Variants in JADE1 observed in about 807,000 individuals in gnomAD.
The protein encoded by JADE1 is protein Jade-1.
Under a neutral mutation model 81.8 loss-of-function variants are expected in JADE1, and 14 were observed. The observed-to-expected ratio is 0.17, with a 90% CI of 0.11 to 0.27. The LOEUF is 0.27. Among genes scored for constraint, JADE1 ranks in the 10% least tolerant of loss-of-function variants. The pLI is 1.00. For missense variants in JADE1, 690 were observed against 1,047.9 expected (o/e 0.66, Z 4.71); for synonymous variants, 353 against 391.9 (o/e 0.90, Z 1.17).
chr4:128,867,678 T>C (rs1489401999), intron 9 of JADE1, among the ~76,000 whole-genome samples, 178 bp from the exon 10 acceptor site: 1 of 152,212 alleles, frequency 6.6e-6, no homozygotes, highest in African/African-American at 2.4e-5. Context: ...TGTGGAATCC[T>C]TCTTATCTGC....
intron 3 of JADE1, among the ~76,000 whole-genome samples, chr4:128,845,797 C>T (rs967310571): frequency 4.6e-5 from 7 of 152,022 alleles, no homozygotes; most frequent in Non-Finnish European, 8.8e-5. Context: ...GTGGCGTGCA[C>T]CTGTAATCTC....
chr4:128,813,124 C>T (rs1726632410), intron 1 of JADE1, among the ~76,000 whole-genome samples: 1 of 152,210 alleles, frequency 6.6e-6, no homozygotes, highest in Non-Finnish European at 1.5e-5. Flanking sequence ...TAGGTAGTGA[C>T]TCCCCAGTGG....
chr4:128,854,591 T>C (rs1730637834), intron 6 of JADE1, among the ~76,000 whole-genome samples: 1 of 152,196 alleles, frequency 6.6e-6, no homozygotes, highest in South Asian at 2.1e-4. Flanking sequence ...CTCATCCTTG[T>C]GGTTTCCTCT....
chr4:128,862,432 T>A (rs1434808023), intron 9 of JADE1: 1 of 1,399,924 alleles, frequency 7.1e-7, no homozygotes, highest in Non-Finnish European at 9.3e-7. Flanking sequence ...GGGGAGCTTC[T>A]TTGTGGTTTT....
chr4:128,838,490 T>C (rs1385150395), intron 2 of JADE1, among the ~76,000 whole-genome samples: 1 of 152,212 alleles, frequency 6.6e-6, no homozygotes, highest in East Asian at 1.9e-4. Context: ...GTGCTTAAAT[T>C]AGTTTGTCAT....
At chr4:128,862,292 C>T (rs1344130545) in intron 9 of JADE1, 67 bp downstream of exon 9, 1 of 1,598,660 alleles carries the variant, frequency 6.3e-7, no homozygotes, top group African/African-American at 1.3e-5. Context: ...AACGCTCGCC[C>T]AGAGCAAGAA....
intron 3 of JADE1, among the ~76,000 whole-genome samples, chr4:128,843,310 T>C (rs1729603697): frequency 6.6e-6 from 1 of 152,224 alleles, no homozygotes. Flanking sequence ...TTATTATTAA[T>C]TACATTCTTT....
At position 128,871,977 on chromosome 4, in the gene JADE1, G is replaced by C; in HGVS notation, c.2244G>C (p.Trp748Cys). 6.2e-7 allele frequency: 1 copy of C among 1,613,996 alleles called. No individual in the cohort carries two copies. The highest frequency in any genetic ancestry group is 8.5e-7 in the Non-Finnish European group (1 of 1,179,932). ...CACCTGCCAGCCCAGTGAAAAACTG[G>C]GGAGGATTCCGGATTCCAAAGAAGG... ...PTTPASPVKNWGGFRIPKKGE... is the reference protein window; with the variant it reads ...PTTPASPVKNCGGFRIPKKGE... Residue 748 changes from tryptophan to cysteine, a missense_variant, in exon 11 of 11, where the codon TGG becomes TGC. Trp to Cys is a radical substitution (Grantham distance 215). Coordinates refer to ENST00000226319, the MANE Select transcript of JADE1 (RefSeq NM_199320.4). This position sits in a 1 kb window ranked among gnomAD's most constrained non-coding sequence, Gnocchi z 4.1.
chr4:128,851,891 TG>T (rs1299095423), intron 5 of JADE1, among the ~76,000 whole-genome samples, 165 bp from the exon 6 acceptor site: 4 of 152,204 alleles, frequency 2.6e-5, no homozygotes, highest in Non-Finnish European at 5.9e-5. Flanking sequence ...CTTGAGCTCT[TG>T]GGCTCAGATG....
chr4:128,853,904 C>T (rs1016771721), intron 6 of JADE1, among the ~76,000 whole-genome samples: 5 of 152,172 alleles, frequency 3.3e-5, no homozygotes, highest in Non-Finnish European at 5.9e-5. Flanking sequence ...CAGTCATCGC[C>T]GTCTGTTGCT....
chr4:128,844,217 T>C (rs1374633449), intron 3 of JADE1, among the ~76,000 whole-genome samples: 1 of 152,204 alleles, frequency 6.6e-6, no homozygotes, highest in Non-Finnish European at 1.5e-5. Flanking sequence ...TTAGCAGCTG[T>C]GACCTGGTGT....
Position 128,840,835 on chromosome 4 carries a change from A to G in JADE1, c.53-2118A>G, listed in dbSNP as rs143544871. Among the ~76,000 whole-genome samples the G allele has an allele frequency of 3.9e-4, 60 of 152,374 alleles. 1 individual carries two copies. Among genetic ancestry groups the G allele is most frequent in the African/African-American group, 1.3e-3 (55 of 41,588 alleles). On this transcript the variant is annotated intron_variant, in intron 2 of 10. Coordinates refer to ENST00000226319, the MANE Select transcript of JADE1 (RefSeq NM_199320.4). ...TTTTTTTAAAGAAGAATTTTCTAAAACATTTACTGAAATGCCATGGGGCCA... is the reference window on the plus strand; with the variant it reads ...TTTTTTTAAAGAAGAATTTTCTAAAGCATTTACTGAAATGCCATGGGGCCA...
intron 9 of JADE1, among the ~76,000 whole-genome samples, chr4:128,866,523 T>TA (rs767666900): frequency 1.3e-4 from 19 of 151,964 alleles, no homozygotes; most frequent in African/African-American, 4.6e-4. Flanking sequence ...AGTCTACACT[T>TA]ACGCTCTACA....
At chr4:128,859,908 T>G (rs1731181516) in intron 8 of JADE1, among the ~76,000 whole-genome samples, 1 of 152,270 alleles carries the variant, frequency 6.6e-6, no homozygotes, top group Non-Finnish European at 1.5e-5. Context: ...AATTCCTCTC[T>G]GAAATGTCTG....
intron 1 of JADE1, among the ~76,000 whole-genome samples, chr4:128,828,221 T>C (rs1464354362): frequency 1.3e-5 from 2 of 152,182 alleles, no homozygotes; most frequent in Non-Finnish European, 2.9e-5. Context: ...CTTTGGGGTG[T>C]TGTGAGTAGC....
At chr4:128,859,309 T>C (rs1472662539) in intron 8 of JADE1, among the ~76,000 whole-genome samples, 1 of 151,828 alleles carries the variant, frequency 6.6e-6, no homozygotes, top group Non-Finnish European at 1.5e-5. Context: ...TATGCATGTG[T>C]ATTTGGTTAT....
At chr4:128,863,857 G>A in intron 9 of JADE1, 2 of 985,424 alleles carry the variant, frequency 2.0e-6, no homozygotes, top group Non-Finnish European at 2.4e-6. Context: ...GGAGGGGGAG[G>A]ACAAGAAGTC....
rs571661624 is a variant in JADE1, at chr4:128,861,407, G to A, written c.982-297G>A. Among the ~76,000 whole-genome samples the A allele has an allele frequency of 2.0e-5, 3 of 152,366 alleles. No individual in the cohort carries two copies. In the East Asian group the frequency reaches 5.8e-4, roughly 29 times the overall value. On this transcript the variant is annotated intron_variant, in intron 8 of 10. Transcript: ENST00000226319. ...TGGCTGGGCGCAGTGGCTCACGCCT[G>A]TAATCCCAGCACTTTGGGAGGCTGA...
chr4:128,839,720 A>G (rs1729274276), intron 2 of JADE1, among the ~76,000 whole-genome samples: 1 of 151,892 alleles, frequency 6.6e-6, no homozygotes, highest in Non-Finnish European at 1.5e-5. Context: ...TCATGTTTGC[A>G]TGTATCAGTA....
Sources: gnomAD v4.1 joint callset for allele counts (sites outside exome capture counted in the v4.1 genomes callset) on GRCh38, gnomAD v4.1.1 for gene constraint, Gnocchi (gnomAD v3.1) non-coding constraint, MANE v1.5 for transcripts, NCBI Gene and HGNC (gene_info 2026-07-23, HGNC 2026-07-21) for gene names.